Variants in STARD13 observed in about 807,000 individuals in gnomAD.
STARD13 encodes StAR related lipid transfer domain containing 13.
In STARD13, 62 loss-of-function variants were observed where a neutral mutation model predicts 106.4. The observed-to-expected ratio is 0.58, with a 90% CI of 0.48 to 0.72. The LOEUF (loss-of-function observed/expected upper bound fraction) is 0.72, where lower values mean the gene tolerates loss of function less well. STARD13 is among the 30% of genes least tolerant of loss of function. STARD13 has a pLI of 0.00. For missense variants in STARD13, 1,387 were observed against 1,424.0 expected (o/e 0.97, Z 0.42); for synonymous variants, 565 against 553.0 (o/e 1.02, Z -0.31).
chr13:33,519,489 T>C, the STARD13 span, among the ~76,000 whole-genome samples: 1 of 151,698 alleles, frequency 6.6e-6, no homozygotes, highest in Non-Finnish European at 1.5e-5. Context: ...TGTGCCCAGC[T>C]GGGAATTTTT....
chr13:33,660,766 T>A, the STARD13 span, among the ~76,000 whole-genome samples: 1 of 152,174 alleles, frequency 6.6e-6, no homozygotes, highest in Non-Finnish European at 1.5e-5. Context: ...TTATTTTCTG[T>A]AGAGACAAAG....
chr13:33,122,156 A>AT (rs1343977651), intron 7 of STARD13, among the ~76,000 whole-genome samples: 3 of 151,936 alleles, frequency 2.0e-5, no homozygotes, highest in African/African-American at 7.2e-5. Context: ...TAATTTTTGT[A>AT]TTTTTAGCAG....
At chr13:33,643,294 T>C in the STARD13 span, among the ~76,000 whole-genome samples, 1 of 152,180 alleles carries the variant, frequency 6.6e-6, no homozygotes, top group East Asian at 1.9e-4. Flanking sequence ...AAAAGAACGC[T>C]GCGTATTTGC....
Position 33,276,590 on chromosome 13 carries a change from ATG to A in STARD13, c.169+8878_169+8879del, listed in dbSNP as rs1218921289. 2.6e-5 allele frequency: 4 copies of A among 152,304 alleles called. No homozygotes were observed. In the East Asian group the frequency reaches 7.7e-4, roughly 29 times the overall value. The allele number at this position is 152,304 out of a possible 1,614,324, so 9.4% of individuals were successfully genotyped here. On this transcript the variant is annotated intron_variant, in intron 1 of 13. Transcript: ENST00000336934. ...CCAGTGTGTCGTTTGGTGAATATAA[ATG>A]TATATGAAATGCTACTGTTCACTCA...
chr13:33,262,382 C>G (rs1049906215), intron 1 of STARD13, among the ~76,000 whole-genome samples: 1 of 152,156 alleles, frequency 6.6e-6, no homozygotes, highest in Admixed American at 6.5e-5. Flanking sequence ...GGGGGGACCT[C>G]GCACAGAGGT....
At chr13:33,132,789 G>T (rs17644137) in intron 4 of STARD13, among the ~76,000 whole-genome samples, 1 of 152,266 alleles carries the variant, frequency 6.6e-6, no homozygotes, top group African/African-American at 2.4e-5. Context: ...TCTGATGAAA[G>T]AGTTTAGAAA....
At chr13:33,591,401 G>A in the STARD13 span, among the ~76,000 whole-genome samples, 14 of 152,186 alleles carry the variant, frequency 9.2e-5, no homozygotes, top group Non-Finnish European at 1.6e-4. Context: ...ATATATCAGT[G>A]TATCTTGATG....
chr13:33,131,435 ATT>A (rs34709429), intron 4 of STARD13, among the ~76,000 whole-genome samples: 70 of 143,382 alleles, frequency 4.9e-4, no homozygotes, highest in Middle Eastern at 3.5e-3. Flanking sequence ...GAATCATATG[ATT>A]TTTTTTTTTC....
the STARD13 span, among the ~76,000 whole-genome samples, chr13:33,596,249 G>A: frequency 4.9e-4 from 74 of 152,250 alleles, no homozygotes; most frequent in African/African-American, 1.5e-3. Context: ...TATGATAGGC[G>A]AAACGCCCCA....
At chr13:33,449,392 T>C in the STARD13 span, among the ~76,000 whole-genome samples, 2 of 152,220 alleles carry the variant, frequency 1.3e-5, no homozygotes, top group African/African-American at 4.8e-5. Context: ...TTGGCAACTT[T>C]GTCAAAAATT....
At chr13:33,596,464 A>T in the STARD13 span, among the ~76,000 whole-genome samples, 1 of 152,174 alleles carries the variant, frequency 6.6e-6, no homozygotes, top group Admixed American at 6.5e-5. Context: ...GGTACGTGTG[A>T]TGTTTTGATA....
upstream of STARD13, among the ~76,000 whole-genome samples, chr13:33,287,682 G>A (rs1165785557): frequency 6.6e-6 from 1 of 152,178 alleles, no homozygotes; most frequent in Non-Finnish European, 1.5e-5. Context: ...CGCACCGGTG[G>A]CCGTCCAATT....
chr13:33,157,094 A>T (rs1882067711), intron 3 of STARD13, among the ~76,000 whole-genome samples: 1 of 152,202 alleles, frequency 6.6e-6, no homozygotes, highest in East Asian at 1.9e-4. Context: ...GTTATTCAAC[A>T]TACTCGAATC....
At chr13:33,630,880 G>A in the STARD13 span, among the ~76,000 whole-genome samples, 27 of 152,184 alleles carry the variant, frequency 1.8e-4, no homozygotes, top group African/African-American at 3.4e-4. Flanking sequence ...CTTCTAACAC[G>A]TTTCCCATCC....
chr13:33,202,866 T>C (rs1173261082), intron 1 of STARD13, among the ~76,000 whole-genome samples: 1 of 152,142 alleles, frequency 6.6e-6, no homozygotes, highest in African/African-American at 2.4e-5. Context: ...TCACTTCCTC[T>C]TTCTGAGAGG....
At chr13:33,208,590 A>G (rs1440347445) in intron 1 of STARD13, among the ~76,000 whole-genome samples, 2 of 152,174 alleles carry the variant, frequency 1.3e-5, no homozygotes, top group Non-Finnish European at 2.9e-5. Context: ...GCACAGGTGT[A>G]ACACAGTCTG....
At chr13:33,120,397 A>ATTAT (rs1316824852) in intron 7 of STARD13, among the ~76,000 whole-genome samples, 2 of 152,116 alleles carry the variant, frequency 1.3e-5, no homozygotes, top group African/African-American at 4.8e-5. Flanking sequence ...TGTTATTTTA[A>ATTAT]TTATTTTAGA....
At chr13:33,539,354 CA>C in the STARD13 span, among the ~76,000 whole-genome samples, 1 of 152,130 alleles carries the variant, frequency 6.6e-6, no homozygotes, top group African/African-American at 2.4e-5. Context: ...ATAAATTTAA[CA>C]GAATCCCATT....
At chr13:33,404,141 T>C in the STARD13 span, among the ~76,000 whole-genome samples, 10 of 152,186 alleles carry the variant, frequency 6.6e-5, no homozygotes, top group Non-Finnish European at 1.3e-4. Context: ...AAGTTTTTCA[T>C]GGGTAGTGGG....
Sources: gnomAD v4.1 joint callset for allele counts (sites outside exome capture counted in the v4.1 genomes callset) on GRCh38, gnomAD v4.1.1 for gene constraint, MANE v1.5 for transcripts, NCBI Gene and HGNC (gene_info 2026-07-23, HGNC 2026-07-21) for gene names.